TBC1D5: variants seen among roughly 807,000 people sequenced by gnomAD.
TBC1D5 encodes the protein TBC1 domain family member 5.
In TBC1D5, 75 loss-of-function variants were observed where a neutral mutation model predicts 100.3. That is an observed-to-expected ratio of 0.75 (90% CI 0.62 to 0.91). TBC1D5 has a LOEUF of 0.91. Ranked by LOEUF, TBC1D5 falls within the 40% of genes least tolerant of loss-of-function variation. The probability of loss-of-function intolerance (pLI) is 0.00; values close to 1 mark genes in which losing one functional copy is unlikely to be tolerated. For synonymous variants in TBC1D5, 323 were observed against 325.6 expected, an observed-to-expected ratio of 0.99 and a Z score of 0.09; for missense variants, 910 against 942.4, an observed-to-expected ratio of 0.97 and a Z score of 0.45.
At chr3:17,438,288 T>C (rs1471561887) in intron 3 of TBC1D5, among the ~76,000 whole-genome samples, 2 of 152,198 alleles carry the variant, frequency 1.3e-5, no homozygotes, top group African/African-American at 4.8e-5. Context: ...AATATTTCTT[T>C]AAACTTGGAG....
In TBC1D5 at chr3:17,535,772, A is replaced by G. The variant is rs1401495047; in HGVS notation, c.-35-27167T>C. Reference sequence around the variant, plus strand: ...ACACACATAAAAAATCCAGTGCTCTATCTCTCACTATTACTTCATTTTAAA... The same window carrying G: ...ACACACATAAAAAATCCAGTGCTCTGTCTCTCACTATTACTTCATTTTAAA... On this transcript the variant is annotated intron_variant, in intron 2 of 21. Coordinates refer to ENST00000253692, the Ensembl canonical transcript of TBC1D5. Among the ~76,000 whole-genome samples, 4 of 152,164 alleles carry G rather than the reference A, an allele frequency of 2.6e-5. No homozygotes were observed. The East Asian group carries it at 5.8e-4, about 22-fold the overall frequency.
At chr3:17,375,351 G>A (rs1463659775) in intron 10 of TBC1D5, among the ~76,000 whole-genome samples, 3 of 151,830 alleles carry the variant, frequency 2.0e-5, no homozygotes, top group African/African-American at 7.3e-5. Context: ...GGTAGATCAC[G>A]AGGTCAAGAG....
chr3:17,672,147 T>C (rs1175921014), intron 1 of TBC1D5, among the ~76,000 whole-genome samples: 1 of 152,214 alleles, frequency 6.6e-6, no homozygotes, highest in Non-Finnish European at 1.5e-5. Flanking sequence ...AATAGATGTT[T>C]AAATATACTT....
chr3:17,719,173 C>T (rs2075485504), intron 1 of TBC1D5, among the ~76,000 whole-genome samples: 1 of 151,982 alleles, frequency 6.6e-6, no homozygotes, highest in African/African-American at 2.4e-5. Context: ...ACAAAAAAAA[C>T]TACAATGTTT....
chr3:17,432,709 TAAG>T (rs2094465562), intron 3 of TBC1D5, among the ~76,000 whole-genome samples: 1 of 152,204 alleles, frequency 6.6e-6, no homozygotes, highest in Non-Finnish European at 1.5e-5. Flanking sequence ...TAGAAATTCA[TAAG>T]AAGTCTTAAA....
chr3:17,374,823 T>C (rs2092636141), intron 10 of TBC1D5, 144 bp from the exon 11 acceptor site: 2 of 754,050 alleles, frequency 2.7e-6, no homozygotes, highest in East Asian at 2.7e-5. Flanking sequence ...AGCAATGCCA[T>C]TAACAAATGA....
chr3:17,709,098 A>C (rs1245505680), intron 1 of TBC1D5, among the ~76,000 whole-genome samples: 3 of 152,160 alleles, frequency 2.0e-5, no homozygotes, highest in African/African-American at 7.2e-5. Context: ...TAACTTTATA[A>C]AATTTATTTT....
At chr3:17,344,508 T>C (rs901335019) in intron 13 of TBC1D5, among the ~76,000 whole-genome samples, 13 of 151,554 alleles carry the variant, frequency 8.6e-5, no homozygotes, top group African/African-American at 2.9e-4. Flanking sequence ...AATTTATAGA[T>C]TCAATGCCAT....
intron 3 of TBC1D5, among the ~76,000 whole-genome samples, chr3:17,487,506 A>G (rs1381154974): frequency 6.6e-6 from 1 of 152,234 alleles, no homozygotes; most frequent in East Asian, 1.9e-4. Context: ...CATGGGTTAC[A>G]AAGACCACTT....
intron 8 of TBC1D5, among the ~76,000 whole-genome samples, chr3:17,391,891 T>C (rs7647905): frequency 0.5 from 76,408 of 152,008 alleles, 20,984 homozygotes; most frequent in African/African-American, 0.7. Context: ...ACTGAAAGTA[T>C]TGTCTGGTTT....
chr3:17,383,772 G>A, intron 9 of TBC1D5, 141 bp downstream of exon 9: 3 of 541,220 alleles, frequency 5.5e-6, no homozygotes, highest in Non-Finnish European at 9.5e-6. Context: ...TCACCATGCA[G>A]CTGACAAGCA....
In TBC1D5 at chr3:17,532,992, T is replaced by TA. The variant is rs530910585; in HGVS notation, c.-35-24388dup. On this transcript the variant is annotated intron_variant, in intron 2 of 21. Coordinates refer to ENST00000253692, the Ensembl canonical transcript of TBC1D5. ...CCTAAAACTTAAAGTATAATAAAAT[T>TA]AAAAAAAAAAAATTTGATCACACCA... is the stretch of plus-strand genomic sequence containing the variant. Among the ~76,000 whole-genome samples, 1,111 of 140,864 alleles carry TA rather than the reference T, an allele frequency of 7.9e-3. 16 individuals are homozygous for TA. The highest frequency in any genetic ancestry group is 0.015 in the African/African-American group (588 of 38,714). The allele number at this position is 140,864 out of a possible 152,430, so 92.4% of individuals were successfully genotyped here. A position where few individuals can be genotyped will look rare whatever the true frequency, so the allele number is the denominator to read the frequency against.
At chr3:17,522,420 G>A (rs941346988) in intron 2 of TBC1D5, among the ~76,000 whole-genome samples, 34 of 151,856 alleles carry the variant, frequency 2.2e-4, no homozygotes, top group African/African-American at 7.2e-4. Context: ...CACTGAGAAG[G>A]TGAAAAAAAG....
At chr3:17,547,776 T>C (rs2096432845) in intron 2 of TBC1D5, among the ~76,000 whole-genome samples, 1 of 152,246 alleles carries the variant, frequency 6.6e-6, no homozygotes, top group Non-Finnish European at 1.5e-5. Flanking sequence ...ATGAGGATAG[T>C]TGATTTCATG....
chr3:17,484,120 A>C (rs901101492), intron 3 of TBC1D5, among the ~76,000 whole-genome samples: 1 of 152,218 alleles, frequency 6.6e-6, no homozygotes, highest in African/African-American at 2.4e-5. Flanking sequence ...TTTCACTCCT[A>C]ATGTTAATTT....
chr3:17,395,358 G>A (rs1265826420), intron 8 of TBC1D5, among the ~76,000 whole-genome samples: 2 of 151,916 alleles, frequency 1.3e-5, no homozygotes, highest in African/African-American at 4.8e-5. Flanking sequence ...AGTGCCAGAC[G>A]AGACTGTGTC....
chr3:17,737,917 G>T (rs2077087532), intron 1 of TBC1D5, among the ~76,000 whole-genome samples: 1 of 151,756 alleles, frequency 6.6e-6, no homozygotes, highest in Admixed American at 6.6e-5. Context: ...CCTGGAGTTA[G>T]CCACAGAAAC....
At chr3:17,703,071 A>C (rs540765080) in intron 1 of TBC1D5, among the ~76,000 whole-genome samples, 1 of 152,312 alleles carries the variant, frequency 6.6e-6, no homozygotes, top group Non-Finnish European at 1.5e-5. Flanking sequence ...AGTTAAAAAA[A>C]AGAAAATGCC....
chr3:17,474,729 A>C (rs2095418111), intron 3 of TBC1D5, among the ~76,000 whole-genome samples: 1 of 152,150 alleles, frequency 6.6e-6, no homozygotes, highest in African/African-American at 2.4e-5. Context: ...AGGACAGGAG[A>C]AGCACAGGCT....
Sources: gnomAD v4.1 joint callset for allele counts (sites outside exome capture counted in the v4.1 genomes callset) on GRCh38, gnomAD v4.1.1 for gene constraint, MANE v1.5 for transcripts, NCBI Gene and HGNC (gene_info 2026-07-23, HGNC 2026-07-21) for gene names.